Variants in ARK2C observed in about 807,000 individuals in gnomAD.
ARK2C encodes E3 ubiquitin-protein ligase ARK2C.
chr18:46,442,586 G>T, the ARK2C span, among the ~76,000 whole-genome samples: 1 of 152,078 alleles, frequency 6.6e-6, no homozygotes, highest in Non-Finnish European at 1.5e-5. Flanking sequence ...TACTATCTTA[G>T]TAAATGTTCT....
the ARK2C span, among the ~76,000 whole-genome samples, chr18:46,427,505 G>A: frequency 1.3e-5 from 2 of 152,234 alleles, no homozygotes; most frequent in Admixed American, 6.5e-5. Context: ...GGGCCCACCC[G>A]GGAGGGTACT....
the ARK2C span, among the ~76,000 whole-genome samples, chr18:46,384,765 C>T: frequency 2.1e-4 from 32 of 152,136 alleles, 1 homozygote; most frequent in Non-Finnish European, 3.7e-4. Context: ...GCCTGTAATC[C>T]CAGTGCTTTG....
At chr18:46,336,501 C>T in the ARK2C span, 1 of 985,406 alleles carries the variant, frequency 1.0e-6, no homozygotes, top group African/African-American at 1.7e-5. Context: ...TAAAATTTCG[C>T]AGAATGTGAT....
chr18:46,449,272 C>G, the ARK2C span, among the ~76,000 whole-genome samples: 1 of 152,206 alleles, frequency 6.6e-6, no homozygotes, highest in Admixed American at 6.5e-5. Flanking sequence ...GCGAGTGAGG[C>G]AGGCCATGCC....
chr18:46,425,780 C>G, the ARK2C span, among the ~76,000 whole-genome samples: 18 of 152,312 alleles, frequency 1.2e-4, no homozygotes, highest in South Asian at 3.3e-3. Context: ...GTCCTCCTCC[C>G]TGGGAGGCCC....
the ARK2C span, among the ~76,000 whole-genome samples, chr18:46,372,246 T>C: frequency 4.2e-4 from 63 of 149,916 alleles, no homozygotes; most frequent in South Asian, 2.9e-3. Context: ...GGCAGCATAG[T>C]ATTCTGGAGA....
chr18:46,457,399 G>T, the ARK2C span: 3 of 152,820 alleles, frequency 2.0e-5, no homozygotes, highest in Admixed American at 6.5e-5. Flanking sequence ...AGTGTGGAAG[G>T]GGGTCTAGGA....
At chr18:46,336,116 CCT>C in the ARK2C span, 1 of 985,238 alleles carries the variant, frequency 1.0e-6, no homozygotes, top group Non-Finnish European at 1.2e-6. Flanking sequence ...AATGCCACCC[CCT>C]CTCTCAATAC....
the ARK2C span, among the ~76,000 whole-genome samples, chr18:46,417,844 A>C: frequency 6.6e-6 from 1 of 151,966 alleles, no homozygotes. Flanking sequence ...TCTCTACTAA[A>C]AATACAAAAA....
At chr18:46,388,689 T>A in the ARK2C span, among the ~76,000 whole-genome samples, 1 of 152,166 alleles carries the variant, frequency 6.6e-6, no homozygotes, top group African/African-American at 2.4e-5. Flanking sequence ...GGGCTGGGCA[T>A]GGGTTTACTC....
chr18:46,379,958 T>C, the ARK2C span, among the ~76,000 whole-genome samples: 3 of 152,186 alleles, frequency 2.0e-5, no homozygotes, highest in African/African-American at 4.8e-5. Context: ...TCATCTTAAA[T>C]GGAACTGGAA....
chr18:46,391,198 T>G, the ARK2C span, among the ~76,000 whole-genome samples: 1 of 152,164 alleles, frequency 6.6e-6, no homozygotes, highest in Non-Finnish European at 1.5e-5. Context: ...ACAGAGCACT[T>G]GCTCATGGGT....
At chr18:46,412,337 G>T in the ARK2C span, among the ~76,000 whole-genome samples, 1 of 152,214 alleles carries the variant, frequency 6.6e-6, no homozygotes, top group African/African-American at 2.4e-5. Context: ...TTGGTTTCTT[G>T]GTTGCCTGGC....
At chr18:46,375,553 CTAATAATAATAATAA>C in the ARK2C span, among the ~76,000 whole-genome samples, 134 of 137,846 alleles carry the variant, frequency 9.7e-4, no homozygotes, top group South Asian at 0.01. Flanking sequence ...GACTCTGTCT[CTAATAATAATAATAA>C]TAATAATAAT....
chr18:46,418,001 A>T, the ARK2C span, among the ~76,000 whole-genome samples: 1 of 113,112 alleles, frequency 8.8e-6, no homozygotes, highest in African/African-American at 2.8e-5. Context: ...AAGACTCTTA[A>T]AAAAAAAAAG....
the ARK2C span, chr18:46,450,616 C>A: frequency 1.9e-6 from 2 of 1,052,366 alleles, no homozygotes; most frequent in South Asian, 1.3e-5. Flanking sequence ...GCTTCCTGCT[C>A]ATGTCTTCCA....
chr18:46,445,662 C>T, the ARK2C span, among the ~76,000 whole-genome samples: 1 of 152,222 alleles, frequency 6.6e-6, no homozygotes, highest in Admixed American at 6.5e-5. Flanking sequence ...CTGCTTAGTT[C>T]TCTCCCTGCT....
the ARK2C span, among the ~76,000 whole-genome samples, chr18:46,422,598 T>TGA: frequency 1.3e-5 from 2 of 152,254 alleles, no homozygotes; most frequent in African/African-American, 4.8e-5. Flanking sequence ...GCCATGCTTC[T>TGA]TCCCCCCGAC....
the ARK2C span, among the ~76,000 whole-genome samples, chr18:46,382,365 C>G: frequency 6.6e-6 from 1 of 152,240 alleles, no homozygotes; most frequent in Non-Finnish European, 1.5e-5. Flanking sequence ...TACTACATAG[C>G]TCAGAGCCCT....
Sources: allele counts gnomAD v4.1 joint callset (sites outside exome capture counted in the v4.1 genomes callset), GRCh38; gene constraint gnomAD v4.1.1; transcripts MANE v1.5; gene names NCBI Gene and HGNC (gene_info 2026-07-23, HGNC 2026-07-21).